The following HK2 variants were observed in gnomAD, a reference collection of about 807,000 sequenced individuals.
HK2 encodes the protein hexokinase-2.
Under a neutral mutation model 92.9 loss-of-function variants are expected in HK2, and 42 were observed. That is an observed-to-expected ratio of 0.45 (90% confidence interval 0.35 to 0.58). The LOEUF (loss-of-function observed/expected upper bound fraction) is 0.58, where lower values mean the gene tolerates loss of function less well. Ranked by LOEUF, HK2 falls within the 20% of genes least tolerant of loss-of-function variation. The pLI, the probability that HK2 is intolerant of heterozygous loss-of-function variation, is 0.00. For synonymous variants in HK2, 422 were observed against 468.0 expected (o/e 0.90, Z 1.27); for missense variants, 978 against 1,245.1 (o/e 0.79, Z 3.23).
chr2:74,853,198 CAA>C (rs879785697), intron 1 of HK2, among the ~76,000 whole-genome samples: 14 of 152,022 alleles, frequency 9.2e-5, no homozygotes, highest in Admixed American at 7.9e-4. Context: ...AGAATCTACA[CAA>C]AGAGTCCAGA....
intron 2 of HK2, among the ~76,000 whole-genome samples, chr2:74,856,840 G>A (rs1688707080): frequency 6.6e-6 from 1 of 152,230 alleles, no homozygotes; most frequent in African/African-American, 2.4e-5. Context: ...ATGTGTTCAT[G>A]TATGTGTTAG....
intron 1 of HK2, among the ~76,000 whole-genome samples, chr2:74,837,895 C>T (rs757129686): frequency 6.6e-5 from 10 of 151,928 alleles, no homozygotes; most frequent in Non-Finnish European, 1.3e-4. Flanking sequence ...AGGATGGTCT[C>T]GATCTCCTTA....
At chr2:74,873,706 C>A in intron 5 of HK2, 138 bp from the exon 6 acceptor site, 2 of 701,552 alleles carry the variant, frequency 2.9e-6, no homozygotes, top group South Asian at 1.5e-5. Flanking sequence ...AAAGTCTTAT[C>A]ACAGGAGGAG....
intron 2 of HK2, among the ~76,000 whole-genome samples, chr2:74,861,625 A>G (rs1489680340): frequency 1.3e-5 from 2 of 152,170 alleles, no homozygotes; most frequent in Admixed American, 6.5e-5. Context: ...GTTGGGATGT[A>G]AGCATAGATA....
Position 74,874,302 on chromosome 2 carries a change from G to T in HK2, c.728G>T (p.Arg243Leu). The stretch of plus-strand genomic sequence containing the variant: ...AACGCCTGCTACATGGAAGAGATGC[G>T]CCACATCGACATGGTGGAAGGCGAT... ...GSNACYMEEMRHIDMVEGDEG... is the reference protein window; with the variant it reads ...GSNACYMEEMLHIDMVEGDEG... The change falls in exon 7 of 18, where the codon CGC becomes CTC. Residue 243 changes from arginine to leucine, a missense_variant. By Grantham distance (102) the Arg-to-Leu change is moderately radical (BLOSUM62 -2). Around this residue, in one of 3 missense-constraint regions of HK2, gnomAD observed 189 missense variants for 289.5 expected, o/e 0.65. Transcript: ENST00000290573. The T allele has an allele frequency of 6.2e-7, 1 of 1,614,160 alleles. No homozygotes were observed. The highest frequency in any genetic ancestry group is 1.3e-5 in the African/African-American group (1 of 75,026).
intron 9 of HK2, among the ~76,000 whole-genome samples, chr2:74,879,492 A>G (rs952126799): frequency 1.3e-5 from 2 of 152,210 alleles, no homozygotes; most frequent in African/African-American, 2.4e-5. Flanking sequence ...TTGTCGGTGC[A>G]GGAGGCCTCA....
At chr2:74,881,652 T>C (rs918789547) in intron 10 of HK2, 59 bp from the exon 11 acceptor site, 1 of 1,564,492 alleles carries the variant, frequency 6.4e-7, no homozygotes, top group Non-Finnish European at 8.8e-7. Flanking sequence ...TTAAGTGTAC[T>C]GTCTCCACAT....
intron 1 of HK2, among the ~76,000 whole-genome samples, chr2:74,853,563 C>CAACAACAAA (rs1239618602): frequency 4.4e-5 from 6 of 136,990 alleles, no homozygotes; most frequent in Non-Finnish European, 3.2e-5. Flanking sequence ...ACAACAACAA[C>CAACAACAAA]AAAATTAGCC....
chr2:74,841,502 T>C (rs1020912485), intron 1 of HK2, among the ~76,000 whole-genome samples: 2 of 152,170 alleles, frequency 1.3e-5, no homozygotes, highest in African/African-American at 4.8e-5. Flanking sequence ...GTATTGCTGA[T>C]GGTCATACAG....
intron 2 of HK2, among the ~76,000 whole-genome samples, chr2:74,863,731 C>G (rs1431928804): frequency 1.3e-5 from 2 of 152,154 alleles, no homozygotes; most frequent in Admixed American, 6.5e-5. Flanking sequence ...AACAAGATCC[C>G]CTCAACCCAG....
intron 7 of HK2, among the ~76,000 whole-genome samples, chr2:74,875,022 T>C (rs948185962): frequency 2.0e-5 from 3 of 152,176 alleles, no homozygotes; most frequent in African/African-American, 7.2e-5. Flanking sequence ...AGGAGGGGCG[T>C]CTAGCATTTT....
At chr2:74,885,104 G>T (rs1046028221) in intron 12 of HK2, among the ~76,000 whole-genome samples, 1 of 152,212 alleles carries the variant, frequency 6.6e-6, no homozygotes, top group Non-Finnish European at 1.5e-5. Flanking sequence ...GGTCAGCTGC[G>T]TGGTGCTTAT....
At chr2:74,880,717 A>G (rs947481816) in intron 10 of HK2, 148 bp downstream of exon 10, 42 of 809,400 alleles carry the variant, frequency 5.2e-5, no homozygotes, top group Non-Finnish European at 4.0e-5. Flanking sequence ...AGTCTTTGAT[A>G]AACTCAAACA....
chr2:74,861,712 G>C (rs1419780832), intron 2 of HK2, among the ~76,000 whole-genome samples: 1 of 152,190 alleles, frequency 6.6e-6, no homozygotes, highest in Non-Finnish European at 1.5e-5. Flanking sequence ...GGGAAAATCA[G>C]ATGATTATCT....
rs1688108000 is a variant in HK2 at position 74,834,738 on chromosome 2, C to T, written c.63+95C>T. ...TCGACCCTGCGGGGACCCGCTTCCT[C>T]CCTACTCCGGGCCTGGGAGCGGAAA... On this transcript the variant is annotated intron_variant, in intron 1 of 17. Transcript: ENST00000290573. This position sits in a 1 kb window ranked among gnomAD's most constrained non-coding sequence, Gnocchi z 4.2. 7.1e-7 allele frequency: 1 copy of T among 1,403,302 alleles called. No homozygotes were observed. 86.9% of individuals were successfully genotyped at this position (1,403,302 alleles called of 1,614,324 possible).
chr2:74,873,524 G>A (rs1039104199), intron 5 of HK2, among the ~76,000 whole-genome samples, 153 bp downstream of exon 5: 1 of 152,126 alleles, frequency 6.6e-6, no homozygotes, highest in Non-Finnish European at 1.5e-5. Context: ...TTTTGTATGC[G>A]ATCTGCTGCT....
chr2:74,872,684 A>G (rs936621381), intron 4 of HK2, among the ~76,000 whole-genome samples: 5 of 152,286 alleles, frequency 3.3e-5, no homozygotes, highest in African/African-American at 1.2e-4. Context: ...AGAAATCAGG[A>G]ACTCCCCAGT....
At chr2:74,854,049 G>A (rs886961533) in intron 1 of HK2, among the ~76,000 whole-genome samples, 2 of 151,860 alleles carry the variant, frequency 1.3e-5, no homozygotes, top group African/African-American at 4.8e-5. Flanking sequence ...GTCCTAATAG[G>A]CCTTTCCTCA....
At chr2:74,846,684 C>G (rs1177901650) in intron 1 of HK2, among the ~76,000 whole-genome samples, 2 of 152,154 alleles carry the variant, frequency 1.3e-5, no homozygotes, top group African/African-American at 4.8e-5. Context: ...GAGACAGGGT[C>G]TTGCACTGTT....
Sources: allele counts gnomAD v4.1 joint callset (sites outside exome capture counted in the v4.1 genomes callset), GRCh38; gene constraint gnomAD v4.1.1; regional missense constraint gnomAD v4.1.1; non-coding constraint Gnocchi (gnomAD v3.1); transcripts MANE v1.5; gene names NCBI Gene and HGNC (gene_info 2026-07-23, HGNC 2026-07-21).